LAMA1: variants seen among roughly 807,000 people sequenced by gnomAD.
LAMA1 encodes the protein laminin subunit alpha-1.
A neutral mutation model predicts 348.7 loss-of-function variants in LAMA1; 219 were observed. The ratio of observed to expected loss-of-function variants is 0.63; its 90% CI spans 0.56 to 0.70. The LOEUF (loss-of-function observed/expected upper bound fraction) is 0.70. Among genes scored for constraint, LAMA1 ranks in the 30% least tolerant of loss-of-function variants. The pLI, the probability that LAMA1 is intolerant of heterozygous loss-of-function variation, is 0.00. For missense variants in LAMA1, 3,744 were observed against 3,888.0 expected (o/e 0.96, Z 0.99); for synonymous variants, 1,487 against 1,491.0 (o/e 1.00, Z 0.06).
At position 6,943,171 on chromosome 18, in the gene LAMA1, C is replaced by T. The variant is rs895950304; in HGVS notation, c.9067+9G>A. 9.3e-6 allele frequency: 15 copies of T among 1,611,670 alleles called. No homozygotes were observed. Among genetic ancestry groups the T allele is most frequent in the African/African-American group, 1.3e-5 (1 of 74,882 alleles). ...CCTTTTGAGTGGAAGAGCAGGTACC[C>T]GTACATACCAGGATAGCCACCAACA... On this transcript the variant is annotated intron_variant, in intron 62 of 62. Transcript: ENST00000389658.
rs559723162 is a variant in LAMA1 at position 6,997,814 on chromosome 18, C to G, written c.4734G>C (p.Leu1578=). 6.2e-7 allele frequency: 1 copy of G among 1,613,970 alleles called. No individual in the cohort carries two copies. Among genetic ancestry groups the G allele is most frequent in the African/African-American group, 1.3e-5 (1 of 74,932 alleles). Residue 1578 remains leucine, a synonymous_variant, in exon 33 of 63, where the codon CTG becomes CTC. Transcript: ENST00000389658. The part of the protein sequence containing the change: ...LDEIGDAVLS[L]NLTGIIPVPY... Reference sequence around the variant, plus strand: ...GGACAGGGATAATGCCAGTGAGGTTCAGAGAAAGAACGGCATCACCAATCT... The same window carrying G: ...GGACAGGGATAATGCCAGTGAGGTTGAGAGAAAGAACGGCATCACCAATCT...
chr18:6,979,856 G>C (rs192605263), intron 42 of LAMA1, among the ~76,000 whole-genome samples: 22 of 152,250 alleles, frequency 1.4e-4, no homozygotes, highest in Admixed American at 5.9e-4. Flanking sequence ...CCAAGATCGC[G>C]CCACTGCACT....
chr18:7,019,850 T>G (rs891133599), intron 19 of LAMA1, among the ~76,000 whole-genome samples: 4 of 151,642 alleles, frequency 2.6e-5, no homozygotes, highest in Admixed American at 2.6e-4. Context: ...CCCAGCTAAT[T>G]TTTGTATTTT....
chr18:7,039,541 C>T (rs1481945323), intron 10 of LAMA1, among the ~76,000 whole-genome samples: 4 of 152,094 alleles, frequency 2.6e-5, no homozygotes, highest in South Asian at 2.1e-4. Context: ...GGTTCTCTTC[C>T]GAATACAAAG....
chr18:6,980,969 G>C (rs934610965), intron 41 of LAMA1, among the ~76,000 whole-genome samples: 2 of 152,136 alleles, frequency 1.3e-5, no homozygotes, highest in African/African-American at 4.8e-5. Flanking sequence ...CAGACGTGGT[G>C]GTGGGCGCCT....
chr18:7,117,730 G>A lies in LAMA1; in HGVS notation c.-10C>T, dbSNP rs1481381639. ...GCACGCCCCCGCGCATCTCGCCTCCGCCGCCACTCGGTGGGTCTGGGGAGA... is the reference window on the plus strand; with the variant it reads ...GCACGCCCCCGCGCATCTCGCCTCCACCGCCACTCGGTGGGTCTGGGGAGA... On this transcript the variant is annotated 5_prime_UTR_variant, in exon 1 of 63. Transcript: ENST00000389658. 1.3e-6 allele frequency: 2 copies of A among 1,595,342 alleles called. No individual in the cohort carries two copies. The highest frequency in any genetic ancestry group is 2.2e-5 in the South Asian group (2 of 90,566).
intron 3 of LAMA1, among the ~76,000 whole-genome samples, chr18:7,070,377 G>T (rs1210968450): frequency 1.3e-5 from 2 of 152,152 alleles, no homozygotes; most frequent in African/African-American, 4.8e-5. Flanking sequence ...CTTGTAATGA[G>T]ACGCTCCAAT....
At chr18:7,000,413 G>A (rs867351813) in intron 30 of LAMA1, among the ~76,000 whole-genome samples, 4 of 152,232 alleles carry the variant, frequency 2.6e-5, no homozygotes, top group Non-Finnish European at 4.4e-5. Context: ...ACACGCTGAC[G>A]AAAAGAACTT....
Position 7,080,414 on chromosome 18 carries a change from G to A in LAMA1, c.105C>T (p.Ile35=). ...TCTCGCCACAGGTGGCATTGGTGCTGATGTGAGCATTGCTGGCAAGATTGA... is the reference window on the plus strand; with the variant it reads ...TCTCGCCACAGGTGGCATTGGTGCTAATGTGAGCATTGCTGGCAAGATTGA... The part of the protein sequence containing the change: ...AILNLASNAH[I]STNATCGEKG... The change falls in exon 2 of 63, where the codon ATC becomes ATT. Residue 35 remains isoleucine (I), a synonymous_variant. Coordinates refer to ENST00000389658, the MANE Select transcript of LAMA1 (RefSeq NM_005559.4). 6.2e-7 allele frequency: 1 copy of A among 1,614,274 alleles called. No homozygotes were observed. Among genetic ancestry groups the A allele is most frequent in the Non-Finnish European group, 8.5e-7 (1 of 1,180,052 alleles).
At chr18:7,117,177 C>T (rs369372521) in intron 1 of LAMA1, among the ~76,000 whole-genome samples, 15 of 152,230 alleles carry the variant, frequency 9.9e-5, no homozygotes, top group African/African-American at 3.4e-4. Flanking sequence ...TTCCCGGCCG[C>T]CGCGACCCAG....
intron 4 of LAMA1, among the ~76,000 whole-genome samples, chr18:7,050,011 T>G (rs2058056455): frequency 6.6e-6 from 1 of 152,216 alleles, no homozygotes; most frequent in South Asian, 2.1e-4. Context: ...GTTAGAATAT[T>G]TCAGCATCTG....
At chr18:7,055,453 C>CAAAAAAAAAAAAAAAAAAAAAAAAAAAAA (rs57670126) in intron 3 of LAMA1, among the ~76,000 whole-genome samples, 1 of 61,748 alleles carries the variant, frequency 1.6e-5, no homozygotes, top group Admixed American at 1.9e-4. Context: ...AACTCCGTCT[C>CAAAAAAAAAAAAAAAAAAAAAAAAAAAAA]AAAAAAAAAA....
intron 18 of LAMA1, among the ~76,000 whole-genome samples, chr18:7,024,008 GTT>G (rs1251903776): frequency 6.8e-6 from 1 of 148,074 alleles, no homozygotes; most frequent in Admixed American, 6.8e-5. Context: ...CCGGCCTTTT[GTT>G]TTTTTTTTCT....
At chr18:6,988,664 G>C (rs370922771) in intron 36 of LAMA1, among the ~76,000 whole-genome samples, 1 of 151,792 alleles carries the variant, frequency 6.6e-6, no homozygotes, top group Non-Finnish European at 1.5e-5. Context: ...AAAATTAGCC[G>C]GGCATGATGG....
At chr18:7,088,705 G>A (rs373554700) in intron 1 of LAMA1, among the ~76,000 whole-genome samples, 3 of 151,830 alleles carry the variant, frequency 2.0e-5, no homozygotes, top group Non-Finnish European at 2.9e-5. Context: ...TATTTTTCTC[G>A]TAGAGACAGA....
At chr18:6,962,093 T>A (rs750709426) in intron 51 of LAMA1, 34 bp from the exon 52 acceptor site, 2 of 1,542,516 alleles carry the variant, frequency 1.3e-6, no homozygotes, top group South Asian at 2.2e-5. Context: ...ATCACAAAAT[T>A]TGGGTTTTTA....
intron 41 of LAMA1, 37 bp from the exon 42 acceptor site, chr18:6,980,674 G>C: frequency 7.0e-7 from 1 of 1,419,170 alleles, no homozygotes. Context: ...TTTCAGGTTA[G>C]CCTACAAAAA....
At chr18:7,014,195 C>T (rs1476238576) in intron 22 of LAMA1, 144 bp from the exon 23 acceptor site, 7 of 753,806 alleles carry the variant, frequency 9.3e-6, no homozygotes, top group Admixed American at 4.0e-5. Flanking sequence ...CATGGATTCA[C>T]GTTGCCATGT....
rs114880629 is a variant in LAMA1 at position 7,106,927 on chromosome 18, C to A, written c.61+10733G>T. Reference sequence around the variant, plus strand: ...GTGGCATATGATGTAGAAGCTGACCCCGCACCTCCAATAAAGCAGCCAGCC... The same window carrying A: ...GTGGCATATGATGTAGAAGCTGACCACGCACCTCCAATAAAGCAGCCAGCC... On this transcript the variant is annotated intron_variant, in intron 1 of 62. Coordinates refer to ENST00000389658, the MANE Select transcript of LAMA1 (RefSeq NM_005559.4). Among the ~76,000 whole-genome samples the A allele has an allele frequency of 6.2e-3, 949 of 152,048 alleles. 15 individuals are homozygous for A. Among genetic ancestry groups the A allele is most frequent in the African/African-American group, 0.021 (888 of 41,462 alleles).
Sources: gnomAD v4.1 joint callset for allele counts (sites outside exome capture counted in the v4.1 genomes callset) on GRCh38, gnomAD v4.1.1 for gene constraint, MANE v1.5 for transcripts, NCBI Gene and HGNC (gene_info 2026-07-23, HGNC 2026-07-21) for gene names.